The following RBFOX3 variants were observed in gnomAD, a reference collection of about 807,000 sequenced individuals.
RBFOX3 encodes RNA binding fox-1 homolog 3.
Under a neutral mutation model 48.7 loss-of-function variants are expected in RBFOX3, and 17 were observed. The ratio of observed to expected loss-of-function variants is 0.35; its 90% CI spans 0.24 to 0.52. The LOEUF is 0.52. Ranked by LOEUF, RBFOX3 falls within the 20% of genes least tolerant of loss-of-function variation. RBFOX3 has a pLI of 0.94. For synonymous variants in RBFOX3, 212 were observed against 209.5 expected (o/e 1.01, Z -0.10); for missense variants, 382 against 497.5 (o/e 0.77, Z 2.21).
rs1808017286 is a variant in RBFOX3 at position 79,477,002 on chromosome 17, GT to G, written c.-175+5451del. 6.6e-6 allele frequency among the ~76,000 whole-genome samples: 1 copy of G among 152,094 alleles called. No individual in the cohort carries two copies. The highest frequency in any genetic ancestry group is 1.5e-5 in the Non-Finnish European group (1 of 68,002). On this transcript the variant is annotated intron_variant, in intron 2 of 14. Coordinates refer to ENST00000693108, the MANE Select transcript of RBFOX3 (RefSeq NM_001350451.2). The surrounding 1 kb of genome is among the most constrained non-coding windows in gnomAD (Gnocchi z 4.8). ...AACCCCAGCACTTTGGGAGGCCTAG[GT>G]GGGTGGATCACTTGAGGTCAGGAGT...
At chr17:79,606,301 C>T (rs908386782) in intron 1 of RBFOX3, among the ~76,000 whole-genome samples, 3 of 152,168 alleles carry the variant, frequency 2.0e-5, no homozygotes, top group Non-Finnish European at 4.4e-5. Context: ...CATACTTGTC[C>T]ACTTAGCACT....
intron 3 of RBFOX3, among the ~76,000 whole-genome samples, chr17:79,272,420 C>T (rs557988577): frequency 2.2e-4 from 33 of 152,302 alleles, no homozygotes; most frequent in African/African-American, 4.6e-4. Context: ...CACAAGATAA[C>T]GGGAATAACC....
At chr17:79,139,268 A>G (rs1481236308) in intron 4 of RBFOX3, among the ~76,000 whole-genome samples, 1 of 151,334 alleles carries the variant, frequency 6.6e-6, no homozygotes, top group Non-Finnish European at 1.5e-5. Context: ...GAGACCACAG[A>G]TACACAGGCA....
At chr17:79,116,458 C>G (rs146041929) in intron 4 of RBFOX3, among the ~76,000 whole-genome samples, 3 of 152,206 alleles carry the variant, frequency 2.0e-5, no homozygotes, top group African/African-American at 7.2e-5. Flanking sequence ...GGGGTTGCAG[C>G]GAGCCAAAAT....
chr17:79,329,895 C>T (rs1262426366), intron 2 of RBFOX3, among the ~76,000 whole-genome samples: 3 of 152,160 alleles, frequency 2.0e-5, no homozygotes, highest in Non-Finnish European at 2.9e-5. Context: ...CTTCTCAGAC[C>T]CTTCAGCCCT....
intron 1 of RBFOX3, among the ~76,000 whole-genome samples, chr17:79,571,774 C>T (rs935266115): frequency 6.6e-5 from 10 of 152,160 alleles, no homozygotes; most frequent in African/African-American, 2.4e-4. Flanking sequence ...GTCTGGCTTC[C>T]TCTTCCTGCT....
At chr17:79,415,171 C>T (rs11657551) in intron 2 of RBFOX3, among the ~76,000 whole-genome samples, 9,638 of 152,268 alleles carry the variant, frequency 0.063, 428 homozygotes, top group Middle Eastern at 0.12. Flanking sequence ...CTACGAGGAC[C>T]GCCTTTGCCG....
At chr17:79,223,807 C>T (rs111242762) in intron 4 of RBFOX3, among the ~76,000 whole-genome samples, 3 of 152,196 alleles carry the variant, frequency 2.0e-5, no homozygotes, top group Non-Finnish European at 4.4e-5. Context: ...GTGCGCCCCC[C>T]CTACAGCACA....
intron 1 of RBFOX3, among the ~76,000 whole-genome samples, chr17:79,523,569 T>C (rs2086405088): frequency 6.6e-6 from 1 of 152,172 alleles, no homozygotes; most frequent in Non-Finnish European, 1.5e-5. Context: ...TGAGTTCTGT[T>C]GTCCCTGGTG....
At chr17:79,508,205 G>A (rs921874395) in intron 1 of RBFOX3, among the ~76,000 whole-genome samples, 4 of 152,354 alleles carry the variant, frequency 2.6e-5, no homozygotes, top group South Asian at 4.1e-4. Flanking sequence ...AAGCCCACCC[G>A]GTGGGCCGCT....
intron 2 of RBFOX3, among the ~76,000 whole-genome samples, chr17:79,399,890 A>G (rs1466701925): frequency 6.6e-6 from 1 of 152,210 alleles, no homozygotes; most frequent in African/African-American, 2.4e-5. Flanking sequence ...CTAGTGCAGG[A>G]CAGTCTAACT....
chr17:79,396,933 G>A (rs1268321596), intron 2 of RBFOX3, among the ~76,000 whole-genome samples: 1 of 152,260 alleles, frequency 6.6e-6, no homozygotes, highest in Admixed American at 6.5e-5. Flanking sequence ...TGGTAGGGAA[G>A]TCTGCAAGGA....
intron 1 of RBFOX3, among the ~76,000 whole-genome samples, chr17:79,486,169 C>T (rs1008899955): frequency 4.3e-4 from 65 of 152,132 alleles, no homozygotes; most frequent in African/African-American, 1.5e-3. Context: ...CCCCGCAGCC[C>T]GGCAGGGTTG....
intron 1 of RBFOX3, among the ~76,000 whole-genome samples, chr17:79,521,573 C>T (rs1366690370): frequency 6.6e-6 from 1 of 151,946 alleles, no homozygotes; most frequent in Non-Finnish European, 1.5e-5. Context: ...CAGAAACATA[C>T]TCCACAGACA....
At chr17:79,251,529 C>T (rs75557344) in intron 3 of RBFOX3, among the ~76,000 whole-genome samples, 6,171 of 152,254 alleles carry the variant, frequency 0.041, 142 homozygotes, top group East Asian at 0.12. Context: ...ACCCAAGTTG[C>T]CTCTAGGTCC....
At chr17:79,306,771 C>T (rs923138459) in intron 3 of RBFOX3, among the ~76,000 whole-genome samples, 1 of 152,214 alleles carries the variant, frequency 6.6e-6, no homozygotes, top group African/African-American at 2.4e-5. Context: ...CCTCCCGTGC[C>T]GGGTGTCCTC....
At position 79,481,629 on chromosome 17, in the gene RBFOX3, C is replaced by T. The variant is rs1309271839; in HGVS notation, c.-175+825G>A. On this transcript the variant is annotated intron_variant, in intron 2 of 14. Transcript: ENST00000693108. The surrounding 1 kb of genome is among the most constrained non-coding windows in gnomAD (Gnocchi z 5.4). ...GAGAGGGCTAGAGACAGCTCAGTCA[C>T]GTGGCTCGGGGAGCTTGCGGTTGGT... Among the ~76,000 whole-genome samples, 1 of 152,146 alleles carries T rather than the reference C, an allele frequency of 6.6e-6. No homozygotes were observed. The highest frequency in any genetic ancestry group is 2.4e-5 in the African/African-American group (1 of 41,428).
rs112239718 is a variant in RBFOX3, at chr17:79,480,925, G to A, written c.-175+1529C>T. Among the ~76,000 whole-genome samples, 14 of 152,278 alleles carry A rather than the reference G, an allele frequency of 9.2e-5. No individual in the cohort carries two copies. The highest frequency in any genetic ancestry group is 2.1e-4 in the South Asian group (1 of 4,818). ...CAGAACTTGACCTTGTCTCCACTGC[G>A]TCTCCAGCACCCCAAACAGGGCTCA... On this transcript the variant is annotated intron_variant, in intron 2 of 14. Coordinates refer to ENST00000693108, the MANE Select transcript of RBFOX3 (RefSeq NM_001350451.2). The surrounding 1 kb of genome is among the most constrained non-coding windows in gnomAD (Gnocchi z 4.8).
intron 1 of RBFOX3, among the ~76,000 whole-genome samples, chr17:79,529,428 T>C (rs1308700169): frequency 2.0e-5 from 3 of 152,306 alleles, no homozygotes; most frequent in East Asian, 3.9e-4. Context: ...ACGGAACCAG[T>C]TGCATGGCTC....
Sources: gnomAD v4.1 joint callset for allele counts (sites outside exome capture counted in the v4.1 genomes callset) on GRCh38, gnomAD v4.1.1 for gene constraint, Gnocchi (gnomAD v3.1) non-coding constraint, MANE v1.5 for transcripts, NCBI Gene and HGNC (gene_info 2026-07-23, HGNC 2026-07-21) for gene names.